Variants in PLXNA1 observed in about 807,000 individuals in gnomAD.
PLXNA1 encodes the protein plexin A1.
PLXNA1 carries 77 observed loss-of-function variants against 191.7 expected under a neutral mutation model. That is an observed-to-expected ratio of 0.40 (90% CI 0.33 to 0.49). The LOEUF is 0.49. Ranked by LOEUF, PLXNA1 falls within the 20% of genes least tolerant of loss-of-function variation. The probability of loss-of-function intolerance (pLI) is 0.63; values close to 1 mark genes in which losing one functional copy is unlikely to be tolerated. For synonymous variants in PLXNA1, 1,137 were observed against 1,156.4 expected (o/e 0.98, Z 0.34); for missense variants, 2,110 against 2,660.2 (o/e 0.79, Z 4.55).
Position 126,991,500 on chromosome 3 carries a change from G to A in PLXNA1, c.1311G>A (p.Val437=), listed in dbSNP as rs762188784. 2.9e-5 allele frequency: 46 copies of A among 1,612,364 alleles called. 1 individual carries two copies. The highest frequency in any genetic ancestry group is 3.9e-5 in the Non-Finnish European group (46 of 1,179,644). The change falls in exon 3 of 32, where the codon GTG becomes GTA. Residue 437 remains valine, a synonymous_variant. Coordinates refer to ENST00000393409, the MANE Select transcript of PLXNA1 (RefSeq NM_032242.4). ...ACAAGGATGATGGCCTGACCGCCGTGGCTGCCTATGACTATCGGGGCCGCA... is the reference window on the plus strand; with the variant it reads ...ACAAGGATGATGGCCTGACCGCCGTAGCTGCCTATGACTATCGGGGCCGCA... ...FVDKDDGLTA[V]AAYDYRGRTV...
chr3:127,011,725 G>A (rs575768828), intron 9 of PLXNA1, among the ~76,000 whole-genome samples: 86 of 152,334 alleles, frequency 5.6e-4, no homozygotes, highest in African/African-American at 2.0e-3. Context: ...GAATGGTGGG[G>A]GTCCTAGAAC....
Position 127,015,216 on chromosome 3 carries a change from T to C in PLXNA1, c.2910T>C (p.Arg970=), listed in dbSNP as rs775720058. The change falls in exon 15 of 32, where the codon CGT becomes CGC. Residue 970 remains arginine, a synonymous_variant. Coordinates refer to ENST00000393409, the MANE Select transcript of PLXNA1 (RefSeq NM_032242.4). ...TPTFYRVSPS[R]GPLSGGTWIG... is the part of the protein sequence containing the mutation. ...CCTTCTACCGTGTGAGCCCCTCCCG[T>C]GGGCCTCTGTCAGGGGGCACCTGGA... 1 of 1,613,292 alleles carries C rather than the reference T, an allele frequency of 6.2e-7. No individual in the cohort carries two copies. The highest frequency in any genetic ancestry group is 8.5e-7 in the Non-Finnish European group (1 of 1,179,824).
chr3:127,015,152 T>C (rs991449099), intron 14 of PLXNA1, 32 bp from the exon 15 acceptor site: 2 of 1,592,984 alleles, frequency 1.3e-6, no homozygotes, highest in African/African-American at 1.3e-5. Flanking sequence ...GGGACTTTCC[T>C]GAGAGTTTCA....
chr3:127,016,776 C>A, intron 16 of PLXNA1, 92 bp downstream of exon 16: 1 of 1,475,674 alleles, frequency 6.8e-7, no homozygotes, highest in Non-Finnish European at 9.4e-7. Flanking sequence ...CGGTGGCCCT[C>A]CTGCATGCCG....
intron 1 of PLXNA1, among the ~76,000 whole-genome samples, chr3:126,983,954 G>A (rs2078944703): frequency 6.6e-6 from 1 of 152,194 alleles, no homozygotes. Flanking sequence ...CCGGAGTGCG[G>A]GGAGGTGGGC....
chr3:127,016,899 G>A (rs373701472), intron 16 of PLXNA1, 45 bp from the exon 17 acceptor site: 356 of 1,524,360 alleles, frequency 2.3e-4, no homozygotes, highest in Non-Finnish European at 3.0e-4. Context: ...AGCTCACTGG[G>A]CCCCAGCATC....
intron 24 of PLXNA1, 45 bp from the exon 25 acceptor site, chr3:127,028,136 C>G: frequency 6.2e-7 from 1 of 1,613,050 alleles, no homozygotes; most frequent in Middle Eastern, 1.7e-4. Context: ...CCCCACCCCC[C>G]AGTTGTGGGG....
chr3:126,989,083 C>T lies in PLXNA1; in HGVS notation c.490C>T (p.Gln164Ter), dbSNP rs2078975990. 6.2e-7 allele frequency: 1 copy of T among 1,613,402 alleles called. No homozygotes were observed. Among genetic ancestry groups the T allele is most frequent in the Non-Finnish European group, 8.5e-7 (1 of 1,180,026 alleles). The change falls in exon 2 of 32, where the codon CAG becomes TAG. Residue 164 changes from glutamine to a stop codon, truncating the protein, a stop_gained. Coordinates refer to ENST00000393409, the MANE Select transcript of PLXNA1 (RefSeq NM_032242.4). LOFTEE classifies it high-confidence loss of function. ...HRKEHYLSSVQEAGSMAGVLI... is the reference protein window; with the variant it reads ...HRKEHYLSSV ...TAAGGAGCACTACCTGTCCAGCGTG[C>T]AGGAGGCAGGCAGCATGGCGGGCGT...
Position 127,014,966 on chromosome 3 carries a change from C to T in PLXNA1, c.2877+135C>T, listed in dbSNP as rs984348845. The T allele has an allele frequency of 8.4e-6, 12 of 1,431,486 alleles. No homozygotes were observed. In the African/African-American group the frequency reaches 1.6e-4, roughly 19 times the overall value. 88.7% of individuals were successfully genotyped at this position (1,431,486 alleles called of 1,614,324 possible). ...CTTTTCCACGGCCTGGGTGCTGCCC[C>T]TCCCCTCCTGTGCCTAGGCCAGCTC... On this transcript the variant is annotated intron_variant, in intron 14 of 31. Transcript: ENST00000393409.
chr3:126,994,691 TCTC>T (rs1288497915), intron 3 of PLXNA1, among the ~76,000 whole-genome samples: 2 of 152,114 alleles, frequency 1.3e-5, no homozygotes, highest in African/African-American at 2.4e-5. Context: ...GAACTTCACT[TCTC>T]CTCGTCTCTC....
In PLXNA1 at chr3:126,991,545, G is replaced by A. The variant is rs771068704; in HGVS notation, c.1356G>A (p.Thr452=). The A allele has an allele frequency of 1.3e-5, 21 of 1,587,830 alleles. No individual in the cohort carries two copies. Among genetic ancestry groups the A allele is most frequent in the Non-Finnish European group, 1.7e-5 (20 of 1,162,890 alleles). ...GCCGCACTGTGGTATTCGCCGGCACGCGAAGTGGCCGCATCCGCAAGGTCA... is the reference window on the plus strand; with the variant it reads ...GCCGCACTGTGGTATTCGCCGGCACACGAAGTGGCCGCATCCGCAAGGTCA... ...YRGRTVVFAG[T]RSGRIRKILV... is the part of the protein sequence containing the mutation. The change falls in exon 3 of 32, where the codon ACG becomes ACA. Residue 452 remains threonine (T), a synonymous_variant. Transcript: ENST00000393409.
chr3:127,027,396 C>G (rs1468452374), intron 23 of PLXNA1: 1 of 353,936 alleles, frequency 2.8e-6, no homozygotes, highest in East Asian at 7.4e-5. Context: ...GTATCCATGA[C>G]ACACCATAGT....
chr3:127,022,462 C>T (rs2079156759), intron 22 of PLXNA1, 121 bp downstream of exon 22: 1 of 1,262,098 alleles, frequency 7.9e-7, no homozygotes, highest in Admixed American at 2.4e-5. Flanking sequence ...GGTGGGAGGA[C>T]TCACCTGGCC....
At chr3:126,991,857 A>G (rs2078992393) in intron 3 of PLXNA1, among the ~76,000 whole-genome samples, 1 of 151,846 alleles carries the variant, frequency 6.6e-6, no homozygotes, top group African/African-American at 2.4e-5. Flanking sequence ...TGGCTCTCCA[A>G]GGGCACTTGA....
intron 9 of PLXNA1, among the ~76,000 whole-genome samples, chr3:127,010,124 C>T (rs1288688057): frequency 6.6e-6 from 1 of 152,244 alleles, no homozygotes; most frequent in Non-Finnish European, 1.5e-5. Context: ...CAGCGTTTCC[C>T]AGAGGGACCT....
intron 23 of PLXNA1, 113 bp from the exon 24 acceptor site, chr3:127,027,827 G>A (rs1310812583): frequency 2.1e-6 from 3 of 1,420,282 alleles, no homozygotes; most frequent in Non-Finnish European, 2.9e-6. Context: ...GTTGGGAAGT[G>A]CTGCTCATTT....
At chr3:127,015,056 G>T in intron 14 of PLXNA1, 128 bp from the exon 15 acceptor site, 2 of 1,407,098 alleles carry the variant, frequency 1.4e-6, no homozygotes, top group Non-Finnish European at 1.9e-6. Context: ...CTGAAGTGCA[G>T]CTCCCGGGCA....
chr3:126,984,009 C>T (rs1477125239), intron 1 of PLXNA1, among the ~76,000 whole-genome samples: 1 of 152,200 alleles, frequency 6.6e-6, no homozygotes, highest in Non-Finnish European at 1.5e-5. Flanking sequence ...CCTCCTTGGC[C>T]TCCCCCTCTC....
chr3:127,013,272 C>T (rs1235837355), intron 10 of PLXNA1, among the ~76,000 whole-genome samples: 1 of 145,842 alleles, frequency 6.9e-6, no homozygotes, highest in African/African-American at 2.5e-5. Context: ...TCCCTTCTCA[C>T]CAGGCCCACA....
Sources: gnomAD v4.1 joint callset for allele counts (sites outside exome capture counted in the v4.1 genomes callset) on GRCh38, gnomAD v4.1.1 for gene constraint, MANE v1.5 for transcripts, NCBI Gene and HGNC (gene_info 2026-07-23, HGNC 2026-07-21) for gene names.